The following GRID1 variants were observed in gnomAD, a reference collection of about 807,000 sequenced individuals.
The protein encoded by GRID1 is glutamate ionotropic receptor delta type subunit 1, also known as glutamate receptor ionotropic, delta-1.
Under a neutral mutation model 98.0 loss-of-function variants are expected in GRID1, and 28 were observed. The ratio of observed to expected loss-of-function variants is 0.29; its 90% CI spans 0.21 to 0.39. GRID1 has a LOEUF of 0.39. GRID1 is among the 10% of genes least tolerant of loss of function. The pLI, the probability that GRID1 is intolerant of heterozygous loss-of-function variation, is 1.00. For missense variants in GRID1, 1,111 were observed against 1,340.5 expected, an observed-to-expected ratio of 0.83 and a Z score of 2.67; for synonymous variants, 553 against 538.5, an observed-to-expected ratio of 1.03 and a Z score of -0.37.
intron 5 of GRID1, among the ~76,000 whole-genome samples, chr10:85,872,657 C>G (rs1166799473): frequency 6.6e-6 from 1 of 152,216 alleles, no homozygotes; most frequent in Non-Finnish European, 1.5e-5. Flanking sequence ...TGGGCTCAGC[C>G]CCTGCCCCCA....
chr10:85,749,460 C>G (rs982210269), intron 8 of GRID1, among the ~76,000 whole-genome samples: 1 of 152,128 alleles, frequency 6.6e-6, no homozygotes, highest in Non-Finnish European at 1.5e-5. Context: ...TGCATTAAGC[C>G]TCTAAAAATA....
Position 85,723,144 on chromosome 10 carries a change from GC to G in GRID1, c.1859-4del, listed in dbSNP as rs1351964550. On this transcript the variant is annotated splice_polypyrimidine_tract_variant and splice_region_variant and intron_variant, in intron 11 of 15. Coordinates refer to ENST00000327946, the MANE Select transcript of GRID1 (RefSeq NM_017551.3). ...GGAGTTCACGGAAGATTCGCCACCT[GC>G]GGGAGGCAGACAAAGTGGATTGGCC... 6.2e-7 allele frequency: 1 copy of G among 1,603,514 alleles called. No individual in the cohort carries two copies. The highest frequency in any genetic ancestry group is 1.1e-5 in the South Asian group (1 of 88,538).
intron 4 of GRID1, among the ~76,000 whole-genome samples, chr10:86,053,900 A>G (rs942144244): frequency 6.6e-6 from 1 of 152,186 alleles, no homozygotes; most frequent in Non-Finnish European, 1.5e-5. Flanking sequence ...ATGCACACAC[A>G]CGTTTACACA....
At chr10:85,713,950 T>G (rs760959796) in intron 12 of GRID1, among the ~76,000 whole-genome samples, 22 of 151,736 alleles carry the variant, frequency 1.4e-4, no homozygotes, top group Admixed American at 9.8e-4. Flanking sequence ...AAAACAAGGG[T>G]GCCCACTCTC....
chr10:86,047,561 C>G (rs1279320593), intron 4 of GRID1, among the ~76,000 whole-genome samples: 1 of 152,172 alleles, frequency 6.6e-6, no homozygotes, highest in Admixed American at 6.5e-5. Context: ...GAGTTCCTAA[C>G]CCTGCCCTCT....
chr10:86,233,497 T>A (rs1372693411), intron 2 of GRID1, among the ~76,000 whole-genome samples: 1 of 152,084 alleles, frequency 6.6e-6, no homozygotes, highest in Non-Finnish European at 1.5e-5. Context: ...GCCTCATAGG[T>A]GCCCCCTTCT....
At chr10:85,918,071 G>A (rs1449292890) in intron 4 of GRID1, among the ~76,000 whole-genome samples, 2 of 152,190 alleles carry the variant, frequency 1.3e-5, no homozygotes, top group Admixed American at 6.5e-5. Context: ...CTGGGCTCTA[G>A]CTCACCTCGA....
intron 5 of GRID1, among the ~76,000 whole-genome samples, chr10:85,881,579 A>G (rs1212924651): frequency 4.6e-5 from 7 of 152,242 alleles, no homozygotes; most frequent in Non-Finnish European, 8.8e-5. Flanking sequence ...ATATGTAGAA[A>G]GCTGAAACTA....
chr10:85,760,952 C>T (rs569840819), intron 8 of GRID1, among the ~76,000 whole-genome samples: 1 of 152,224 alleles, frequency 6.6e-6, no homozygotes, highest in South Asian at 2.1e-4. Context: ...GCACTCACAC[C>T]CATGAGCTGT....
At chr10:85,716,916 GGA>G (rs537458638) in intron 12 of GRID1, among the ~76,000 whole-genome samples, 101 of 152,124 alleles carry the variant, frequency 6.6e-4, no homozygotes, top group African/African-American at 2.2e-3. Context: ...TCATAGAAGC[GGA>G]GAGTTTATTG....
At chr10:85,862,680 A>G (rs1843174999) in intron 6 of GRID1, among the ~76,000 whole-genome samples, 1 of 152,202 alleles carries the variant, frequency 6.6e-6, no homozygotes, top group African/African-American at 2.4e-5. Flanking sequence ...CTGCTGGATA[A>G]TTAGAGATGA....
intron 2 of GRID1, among the ~76,000 whole-genome samples, chr10:86,261,005 A>G (rs1253863922): frequency 6.6e-6 from 1 of 152,252 alleles, no homozygotes; most frequent in East Asian, 1.9e-4. Flanking sequence ...CAAACCGAAG[A>G]AAAAGCTGGG....
At chr10:85,681,822 G>C (rs773315578) in intron 12 of GRID1, among the ~76,000 whole-genome samples, 3 of 152,124 alleles carry the variant, frequency 2.0e-5, no homozygotes, top group Non-Finnish European at 4.4e-5. Flanking sequence ...TATATGGCCT[G>C]CCCTCCCCAG....
intron 8 of GRID1, among the ~76,000 whole-genome samples, chr10:85,749,292 A>C (rs776161880): frequency 6.6e-5 from 10 of 152,056 alleles, no homozygotes; most frequent in Admixed American, 1.3e-4. Flanking sequence ...TTATCCTTCC[A>C]TCTCTTCTTT....
chr10:86,080,373 AAAGGAAAGGAAAGGG>A lies in GRID1; in HGVS notation c.726+58431_726+58445del, dbSNP rs1267441726. Among the ~76,000 whole-genome samples, 254 of 86,340 alleles carry A rather than the reference AAAGGAAAGGAAAGGG, an allele frequency of 2.9e-3. 22 individuals are homozygous for A. The highest frequency in any genetic ancestry group is 0.011 in the African/African-American group (228 of 19,866). The allele number at this position is 86,340 out of a possible 152,430, so 56.6% of individuals were successfully genotyped here. On this transcript the variant is annotated intron_variant, in intron 4 of 15. Transcript: ENST00000327946. ...GAGAGAGACAAAAAAAGAGAGAGAA[AAAGGAAAGGAAAGGG>A]AAGGGAAGGGAAGGGAAGGGAAGGG...
At chr10:85,938,604 G>T (rs1001759511) in intron 4 of GRID1, among the ~76,000 whole-genome samples, 1 of 152,054 alleles carries the variant, frequency 6.6e-6, no homozygotes, top group African/African-American at 2.4e-5. Context: ...CGATACAAAC[G>T]AGCCAGGATT....
At chr10:85,638,952 A>G (rs1843081755) in intron 13 of GRID1, among the ~76,000 whole-genome samples, 2 of 152,238 alleles carry the variant, frequency 1.3e-5, no homozygotes, top group Non-Finnish European at 2.9e-5. Context: ...TAGGACATTC[A>G]GCAACTGAGA....
chr10:86,057,108 G>C (rs1843585684), intron 4 of GRID1, among the ~76,000 whole-genome samples: 1 of 152,226 alleles, frequency 6.6e-6, no homozygotes, highest in African/African-American at 2.4e-5. Context: ...AGTGAGTGGA[G>C]AGGACTCTAC....
chr10:86,028,095 G>A (rs759841829), intron 4 of GRID1, among the ~76,000 whole-genome samples: 1 of 152,142 alleles, frequency 6.6e-6, no homozygotes, highest in Non-Finnish European at 1.5e-5. Context: ...CTCACAAGAC[G>A]CTGAGATGCC....
Sources: gnomAD v4.1 joint callset for allele counts (sites outside exome capture counted in the v4.1 genomes callset) on GRCh38, gnomAD v4.1.1 for gene constraint, MANE v1.5 for transcripts, NCBI Gene and HGNC (gene_info 2026-07-23, HGNC 2026-07-21) for gene names.